Variants in DPH6 observed in about 807,000 individuals in gnomAD.
DPH6 encodes diphthamine biosynthesis 6.
In DPH6, 33 loss-of-function variants were observed where a neutral mutation model predicts 38.2. The observed-to-expected ratio is 0.86, with a 90% CI of 0.65 to 1.15. The LOEUF (loss-of-function observed/expected upper bound fraction) is 1.15, where lower values mean the gene tolerates loss of function less well. Among genes scored for constraint, DPH6 ranks in the 50% most tolerant of loss-of-function variants. The pLI is 0.00. For missense variants in DPH6, 325 were observed against 320.0 expected, an observed-to-expected ratio of 1.02 and a Z score of -0.12; for synonymous variants, 108 against 103.0, an observed-to-expected ratio of 1.05 and a Z score of -0.30.
intron 3 of DPH6, among the ~76,000 whole-genome samples, chr15:35,336,586 C>A (rs1376884403): frequency 6.6e-6 from 1 of 152,120 alleles, no homozygotes; most frequent in Non-Finnish European, 1.5e-5. Flanking sequence ...GTGGGTTTGT[C>A]ATAGATAGCT....
chr15:35,349,892 T>C (rs917635469), intron 3 of DPH6, among the ~76,000 whole-genome samples: 1 of 152,214 alleles, frequency 6.6e-6, no homozygotes, highest in Non-Finnish European at 1.5e-5. Context: ...GCATCGACAT[T>C]CATCAGGGAT....
chr15:35,361,479 G>T (rs953039609), intron 3 of DPH6, among the ~76,000 whole-genome samples: 2 of 150,024 alleles, frequency 1.3e-5, no homozygotes, highest in African/African-American at 4.9e-5. Flanking sequence ...TCTCAGATTT[G>T]GGAAATTTTC....
intron 5 of DPH6, among the ~76,000 whole-genome samples, chr15:35,417,115 A>G (rs965526965): frequency 1.3e-5 from 2 of 152,086 alleles, no homozygotes; most frequent in Non-Finnish European, 2.9e-5. Flanking sequence ...AAGTATAAAG[A>G]TTGAATACTT....
intron 3 of DPH6, among the ~76,000 whole-genome samples, chr15:35,502,083 A>G (rs1037160102): frequency 3.3e-5 from 5 of 152,056 alleles, no homozygotes; most frequent in African/African-American, 1.2e-4. Context: ...AATAAAACTT[A>G]TTTCTTCAAC....
At chr15:35,485,117 G>A (rs190119061) in intron 3 of DPH6, among the ~76,000 whole-genome samples, 6 of 152,134 alleles carry the variant, frequency 3.9e-5, no homozygotes, top group Admixed American at 1.3e-4. Flanking sequence ...TAGATACCAC[G>A]ATTATCCTAA....
At chr15:35,359,822 T>C (rs531040206) in intron 3 of DPH6, among the ~76,000 whole-genome samples, 2 of 152,346 alleles carry the variant, frequency 1.3e-5, no homozygotes, top group East Asian at 1.9e-4. Context: ...TCAGTCATTG[T>C]ATTCTTCAGT....
At chr15:35,457,305 A>C (rs916181979) in intron 3 of DPH6, among the ~76,000 whole-genome samples, 6 of 151,998 alleles carry the variant, frequency 3.9e-5, no homozygotes, top group Admixed American at 3.9e-4. Context: ...AGCACTAAGT[A>C]AACTCTGACT....
chr15:35,513,454 A>G (rs1033272109), intron 3 of DPH6, among the ~76,000 whole-genome samples: 6 of 152,188 alleles, frequency 3.9e-5, no homozygotes, highest in African/African-American at 1.4e-4. Context: ...TAAGAGGTAG[A>G]AGACAGATGA....
intron 3 of DPH6, among the ~76,000 whole-genome samples, chr15:35,227,969 A>G (rs1316779471): frequency 1.3e-5 from 2 of 152,046 alleles, no homozygotes; most frequent in African/African-American, 2.4e-5. Flanking sequence ...GTTTTATTCC[A>G]TTGTGGTCAC....
At chr15:35,275,156 C>A (rs1242054515) in intron 3 of DPH6, among the ~76,000 whole-genome samples, 1 of 152,092 alleles carries the variant, frequency 6.6e-6, no homozygotes, top group African/African-American at 2.4e-5. Flanking sequence ...ACCTCATGAT[C>A]TGCCCACCCC....
At chr15:35,254,890 G>A (rs2051697358) in intron 3 of DPH6, among the ~76,000 whole-genome samples, 1 of 152,090 alleles carries the variant, frequency 6.6e-6, no homozygotes, top group African/African-American at 2.4e-5. Context: ...CATTCTCAAG[G>A]GTGGGGAGAA....
intron 3 of DPH6, chr15:35,298,662 C>G: frequency 7.4e-7 from 1 of 1,351,912 alleles, no homozygotes; most frequent in Admixed American, 1.7e-5. Context: ...ACCGAAAAGG[C>G]GGTGCTCAGC....
chr15:35,515,804 C>T (rs1015503324), intron 3 of DPH6, among the ~76,000 whole-genome samples: 3 of 149,368 alleles, frequency 2.0e-5, no homozygotes, highest in Non-Finnish European at 3.0e-5. Flanking sequence ...AAGCTGAAGG[C>T]GGAAGATTGT....
intron 3 of DPH6, among the ~76,000 whole-genome samples, chr15:35,231,839 G>T (rs2051520159): frequency 6.6e-6 from 1 of 152,032 alleles, no homozygotes; most frequent in Admixed American, 6.5e-5. Flanking sequence ...AGGGGAGGAG[G>T]TGCCAGGGTC....
intron 3 of DPH6, among the ~76,000 whole-genome samples, chr15:35,477,136 A>G (rs181800309): frequency 1.4e-4 from 21 of 151,970 alleles, no homozygotes; most frequent in Admixed American, 1.1e-3. Context: ...TACCCTATGC[A>G]TATCATTAAT....
chr15:35,189,178 A>T, the DPH6 span, among the ~76,000 whole-genome samples: 1 of 152,214 alleles, frequency 6.6e-6, no homozygotes, highest in African/African-American at 2.4e-5. Flanking sequence ...GCTTTATGCT[A>T]CAAGTGAGTT....
intron 3 of DPH6, among the ~76,000 whole-genome samples, chr15:35,528,223 A>C (rs2055034334): frequency 6.6e-6 from 1 of 152,176 alleles, no homozygotes; most frequent in African/African-American, 2.4e-5. Context: ...AGTTGATACA[A>C]CCAAGACCAA....
intron 3 of DPH6, among the ~76,000 whole-genome samples, chr15:35,491,748 CATGT>C (rs902255826): frequency 1.5e-4 from 22 of 150,212 alleles, no homozygotes; most frequent in African/African-American, 4.9e-4. Flanking sequence ...TATTAATTTA[CATGT>C]ATGTATACAC....
downstream of DPH6, among the ~76,000 whole-genome samples, chr15:35,369,869 T>C (rs1221956319): frequency 1.3e-5 from 2 of 151,802 alleles, no homozygotes; most frequent in Non-Finnish European, 3.0e-5. Flanking sequence ...ACGGAAAAAC[T>C]GATTGTAAGG....
Sources: gnomAD v4.1 joint callset for allele counts (sites outside exome capture counted in the v4.1 genomes callset) on GRCh38, gnomAD v4.1.1 for gene constraint, MANE v1.5 for transcripts, NCBI Gene and HGNC (gene_info 2026-07-23, HGNC 2026-07-21) for gene names.